The following DLG2 variants were observed in gnomAD, a reference collection of about 807,000 sequenced individuals.
The protein encoded by DLG2 is disks large homolog 2.
DLG2 carries 45 observed loss-of-function variants against 132.5 expected under a neutral mutation model. That is an observed-to-expected ratio of 0.34 (90% CI 0.27 to 0.44). The LOEUF (loss-of-function observed/expected upper bound fraction) is 0.44, where lower values mean the gene tolerates loss of function less well. Among genes scored for constraint, DLG2 ranks in the 20% least tolerant of loss-of-function variants. The pLI is 1.00. For missense variants in DLG2, 1,045 were observed against 1,196.9 expected (o/e 0.87, Z 1.87); for synonymous variants, 424 against 419.6 (o/e 1.01, Z -0.13).
intron 6 of DLG2, among the ~76,000 whole-genome samples, chr11:85,078,123 G>C (rs748421794): frequency 6.6e-6 from 1 of 150,828 alleles, no homozygotes; most frequent in African/African-American, 2.4e-5. Flanking sequence ...GTAAAAAACC[G>C]TGCAAAACAA....
chr11:85,483,387 C>T (rs1347623852), intron 3 of DLG2, among the ~76,000 whole-genome samples: 2 of 151,980 alleles, frequency 1.3e-5, no homozygotes, highest in African/African-American at 4.8e-5. Flanking sequence ...AGCTGTTTTT[C>T]AGAAATGAAA....
At chr11:84,556,772 T>C (rs565259310) in intron 6 of DLG2, among the ~76,000 whole-genome samples, 1 of 152,338 alleles carries the variant, frequency 6.6e-6, no homozygotes, top group East Asian at 1.9e-4. Flanking sequence ...GAATCATTCA[T>C]GTGTTCTTAT....
At chr11:84,426,631 C>T (rs947512201) in intron 7 of DLG2, among the ~76,000 whole-genome samples, 3 of 152,030 alleles carry the variant, frequency 2.0e-5, no homozygotes, top group African/African-American at 4.8e-5. Context: ...TTATTATCTA[C>T]GAAAGGAAGG....
chr11:85,161,015 A>G (rs573854672), intron 4 of DLG2, among the ~76,000 whole-genome samples: 1 of 152,352 alleles, frequency 6.6e-6, no homozygotes, highest in African/African-American at 2.4e-5. Flanking sequence ...CATGGGCTGT[A>G]GCCAATGGTT....
At chr11:85,010,486 G>A (rs1459138792) in intron 6 of DLG2, among the ~76,000 whole-genome samples, 2 of 152,074 alleles carry the variant, frequency 1.3e-5, no homozygotes, top group African/African-American at 4.8e-5. Context: ...TATATGATTA[G>A]AAGATACACA....
intron 3 of DLG2, among the ~76,000 whole-genome samples, chr11:85,385,342 G>A (rs1009357285): frequency 3.9e-5 from 6 of 152,192 alleles, no homozygotes; most frequent in Non-Finnish European, 5.9e-5. Context: ...TCAGCTCTTC[G>A]TGGAAGGGTA....
intron 8 of DLG2, among the ~76,000 whole-genome samples, chr11:84,189,477 T>C (rs768892328): frequency 3.9e-5 from 6 of 152,170 alleles, no homozygotes; most frequent in Non-Finnish European, 7.3e-5. Context: ...ACTGGGTATA[T>C]ACCCAAGGAA....
intron 6 of DLG2, among the ~76,000 whole-genome samples, chr11:84,796,051 A>G (rs1422362302): frequency 6.6e-6 from 1 of 152,140 alleles, no homozygotes; most frequent in Non-Finnish European, 1.5e-5. Context: ...TGGGCAGAAC[A>G]AACCCAGTGG....
intron 8 of DLG2, among the ~76,000 whole-genome samples, chr11:84,168,009 A>C (rs1472230719): frequency 6.6e-6 from 1 of 152,238 alleles, no homozygotes; most frequent in African/African-American, 2.4e-5. Flanking sequence ...ACATATTATA[A>C]AAGTGCTGAA....
chr11:85,483,548 C>G (rs1012864499), intron 3 of DLG2, among the ~76,000 whole-genome samples: 1 of 152,042 alleles, frequency 6.6e-6, no homozygotes, highest in South Asian at 2.1e-4. Flanking sequence ...GCATAAAACT[C>G]AATGGTAAAA....
At chr11:84,784,940 G>A (rs1381246813) in intron 6 of DLG2, among the ~76,000 whole-genome samples, 1 of 151,862 alleles carries the variant, frequency 6.6e-6, no homozygotes, top group Non-Finnish European at 1.5e-5. Flanking sequence ...CAAGAGAGTT[G>A]GTGTAAAGTA....
intron 6 of DLG2, 123 bp from the exon 7 acceptor site, chr11:84,534,854 A>C: frequency 8.7e-7 from 1 of 1,155,768 alleles, no homozygotes; most frequent in Non-Finnish European, 1.3e-6. Context: ...GACTTCACCA[A>C]ATGGGCTTTG....
At chr11:85,164,640 A>G (rs368038780) in intron 4 of DLG2, among the ~76,000 whole-genome samples, 2 of 152,312 alleles carry the variant, frequency 1.3e-5, no homozygotes, top group African/African-American at 4.8e-5. Flanking sequence ...AATTCTGTTG[A>G]AAGACATAAT....
At chr11:85,599,609 C>T (rs1375242098) in intron 2 of DLG2, among the ~76,000 whole-genome samples, 3 of 152,160 alleles carry the variant, frequency 2.0e-5, no homozygotes, top group East Asian at 3.8e-4. Flanking sequence ...AATATATGCA[C>T]AATCCCTAGC....
At chr11:83,915,684 A>C (rs140370303) in intron 15 of DLG2, among the ~76,000 whole-genome samples, 2,324 of 152,284 alleles carry the variant, frequency 0.015, 32 homozygotes, top group South Asian at 0.071. Flanking sequence ...CTGTGGCTAT[A>C]TAAATTATTT....
At chr11:84,706,444 T>A (rs1019146441) in intron 6 of DLG2, among the ~76,000 whole-genome samples, 1 of 151,796 alleles carries the variant, frequency 6.6e-6, no homozygotes, top group African/African-American at 2.4e-5. Context: ...TCATTAATAT[T>A]TTCTGAGTGA....
intron 6 of DLG2, among the ~76,000 whole-genome samples, chr11:84,836,987 T>C (rs2079887422): frequency 6.6e-6 from 1 of 151,732 alleles, no homozygotes; most frequent in Non-Finnish European, 1.5e-5. Flanking sequence ...ATTAGGTATA[T>C]CTCCTAATGC....
At chr11:85,551,772 A>C (rs1847433) in intron 3 of DLG2, among the ~76,000 whole-genome samples, 38,996 of 151,860 alleles carry the variant, frequency 0.26, 5,789 homozygotes, top group East Asian at 0.41. Flanking sequence ...ATGTGCCACA[A>C]TGAGTAGCTG....
At chr11:84,210,014 G>A (rs2096730373) in intron 8 of DLG2, among the ~76,000 whole-genome samples, 1 of 152,170 alleles carries the variant, frequency 6.6e-6, no homozygotes, top group African/African-American at 2.4e-5. Flanking sequence ...TGGGTATGGT[G>A]GCTCATGCAT....
Sources: gnomAD v4.1 joint callset for allele counts (sites outside exome capture counted in the v4.1 genomes callset) on GRCh38, gnomAD v4.1.1 for gene constraint, MANE v1.5 for transcripts, NCBI Gene and HGNC (gene_info 2026-07-23, HGNC 2026-07-21) for gene names.